The following GRM8 variants were observed in gnomAD, a reference collection of about 807,000 sequenced individuals.
GRM8 encodes the protein metabotropic glutamate receptor 8.
A neutral mutation model predicts 87.2 loss-of-function variants in GRM8; 47 were observed. That is an observed-to-expected ratio of 0.54 (90% confidence interval 0.43 to 0.69). The LOEUF is 0.69. GRM8 is among the 30% of genes least tolerant of loss of function. The pLI, the probability that GRM8 is intolerant of heterozygous loss-of-function variation, is 0.00. For missense variants in GRM8, 1,019 were observed against 1,139.2 expected, an observed-to-expected ratio of 0.89 and a Z score of 1.52; for synonymous variants, 396 against 404.5, an observed-to-expected ratio of 0.98 and a Z score of 0.25.
chr7:127,165,706 C>T (rs1793411384), intron 2 of GRM8, among the ~76,000 whole-genome samples: 1 of 152,152 alleles, frequency 6.6e-6, no homozygotes, highest in African/African-American at 2.4e-5. Context: ...CACAGCCTGC[C>T]TTACACCTTT....
intron 3 of GRM8, among the ~76,000 whole-genome samples, chr7:127,033,627 G>C (rs1288793093): frequency 6.6e-6 from 1 of 152,096 alleles, no homozygotes; most frequent in Non-Finnish European, 1.5e-5. Flanking sequence ...AACCTGGAAA[G>C]CTGGGTTCTT....
At chr7:126,656,781 T>C (rs950654807) in intron 7 of GRM8, among the ~76,000 whole-genome samples, 1 of 152,214 alleles carries the variant, frequency 6.6e-6, no homozygotes, top group African/African-American at 2.4e-5. Flanking sequence ...TTGGAGATGC[T>C]TGTGTTCACA....
chr7:126,670,782 G>A (rs919957902), intron 7 of GRM8, among the ~76,000 whole-genome samples: 1 of 152,156 alleles, frequency 6.6e-6, no homozygotes, highest in Non-Finnish European at 1.5e-5. Flanking sequence ...CTTTTGCTTG[G>A]AATATTGATG....
At chr7:126,478,730 T>G (rs1359704170) in intron 9 of GRM8, among the ~76,000 whole-genome samples, 1 of 152,090 alleles carries the variant, frequency 6.6e-6, no homozygotes, top group Non-Finnish European at 1.5e-5. Flanking sequence ...ATCAGGGCTT[T>G]GGGATAAGTT....
At chr7:127,126,647 T>C (rs570315264) in intron 2 of GRM8, among the ~76,000 whole-genome samples, 1 of 151,920 alleles carries the variant, frequency 6.6e-6, no homozygotes, top group African/African-American at 2.4e-5. Context: ...AATAAAACTA[T>C]TAGAAAAACT....
chr7:126,968,031 G>A (rs1012786685), intron 3 of GRM8, among the ~76,000 whole-genome samples: 3 of 152,086 alleles, frequency 2.0e-5, no homozygotes, highest in Non-Finnish European at 4.4e-5. Context: ...AAATGTACAC[G>A]ATACATATGC....
intron 7 of GRM8, among the ~76,000 whole-genome samples, chr7:126,658,855 T>C (rs1804824560): frequency 6.6e-6 from 1 of 151,680 alleles, no homozygotes; most frequent in Non-Finnish European, 1.5e-5. Flanking sequence ...GACACAGGTG[T>C]TTTGCCTGGC....
At chr7:126,583,958 T>C (rs1239617847) in intron 8 of GRM8, among the ~76,000 whole-genome samples, 1 of 152,176 alleles carries the variant, frequency 6.6e-6, no homozygotes, top group Non-Finnish European at 1.5e-5. Flanking sequence ...GATAAATCTT[T>C]CACGAAAGAG....
At chr7:126,911,513 A>G (rs1803291671) in intron 3 of GRM8, among the ~76,000 whole-genome samples, 1 of 152,228 alleles carries the variant, frequency 6.6e-6, no homozygotes, top group Admixed American at 6.5e-5. Context: ...AAACAACCAC[A>G]TGTTCTGTTT....
chr7:126,934,933 G>A (rs965590643), intron 3 of GRM8, among the ~76,000 whole-genome samples: 4 of 152,170 alleles, frequency 2.6e-5, no homozygotes, highest in Admixed American at 1.3e-4. Context: ...GGAGATGAAC[G>A]TTTTAACTGG....
chr7:126,980,420 C>G (rs1399356381), intron 3 of GRM8, among the ~76,000 whole-genome samples: 1 of 152,226 alleles, frequency 6.6e-6, no homozygotes, highest in Non-Finnish European at 1.5e-5. Flanking sequence ...ATCCCCACAG[C>G]AGCTGGCCTG....
intron 2 of GRM8, among the ~76,000 whole-genome samples, chr7:127,189,247 C>T (rs1393049524): frequency 6.6e-6 from 1 of 152,194 alleles, no homozygotes. Flanking sequence ...TTAAACCCTG[C>T]TGCTGGTGAT....
intron 2 of GRM8, among the ~76,000 whole-genome samples, chr7:127,189,936 G>A (rs1794933780): frequency 6.6e-6 from 1 of 152,190 alleles, no homozygotes; most frequent in African/African-American, 2.4e-5. Flanking sequence ...TTCCATAATA[G>A]TACTGCATAA....
At chr7:126,855,834 C>T (rs1297707852) in intron 6 of GRM8, among the ~76,000 whole-genome samples, 1 of 152,030 alleles carries the variant, frequency 6.6e-6, no homozygotes, top group Non-Finnish European at 1.5e-5. Flanking sequence ...TAACACTGAT[C>T]ATGAAGTGAA....
intron 7 of GRM8, among the ~76,000 whole-genome samples, chr7:126,757,523 A>G (rs1448574922): frequency 6.6e-6 from 1 of 152,238 alleles, no homozygotes; most frequent in Non-Finnish European, 1.5e-5. Context: ...GATTGAGTAT[A>G]AATTGTACTT....
chr7:127,241,276 A>C (rs1235998134), intron 2 of GRM8, among the ~76,000 whole-genome samples: 2 of 152,188 alleles, frequency 1.3e-5, no homozygotes, highest in Admixed American at 6.5e-5. Context: ...TGCCTCTGAG[A>C]TATCTGCCAA....
intron 6 of GRM8, among the ~76,000 whole-genome samples, chr7:126,865,508 T>C (rs1301625365): frequency 1.3e-5 from 2 of 152,200 alleles, no homozygotes; most frequent in Non-Finnish European, 2.9e-5. Context: ...TCTATCAACA[T>C]AACCAATTTT....
chr7:127,097,803 T>C lies in GRM8; in HGVS notation c.727+8693A>G, dbSNP rs887976285. ...AAAAGAGGGATTTAAAGAAGTGCTT[T>C]TGACTCCAAGGTTGGTTCTACTGCA... is the stretch of plus-strand genomic sequence containing the variant. On this transcript the variant is annotated intron_variant, in intron 3 of 10. Coordinates refer to ENST00000339582, the MANE Select transcript of GRM8 (RefSeq NM_000845.3). Among the ~76,000 whole-genome samples the C allele has an allele frequency of 3.9e-5, 6 of 152,238 alleles. No individual in the cohort carries two copies. In the East Asian group the frequency reaches 1.2e-3, roughly 29 times the overall value.
intron 7 of GRM8, among the ~76,000 whole-genome samples, chr7:126,660,082 T>A (rs1173275294): frequency 6.6e-6 from 1 of 152,220 alleles, no homozygotes; most frequent in Admixed American, 6.5e-5. Flanking sequence ...GCTTTTGTTT[T>A]TGGTGACAAG....
Sources: allele counts gnomAD v4.1 joint callset (sites outside exome capture counted in the v4.1 genomes callset), GRCh38; gene constraint gnomAD v4.1.1; transcripts MANE v1.5; gene names NCBI Gene and HGNC (gene_info 2026-07-23, HGNC 2026-07-21).